Variants in COL25A1 observed in about 807,000 individuals in gnomAD.
The protein encoded by COL25A1 is collagen alpha-1(XXV) chain.
In COL25A1, 103 loss-of-function variants were observed where a neutral mutation model predicts 128.4. The observed-to-expected ratio is 0.80, with a 90% CI of 0.68 to 0.94. The LOEUF (loss-of-function observed/expected upper bound fraction) is 0.94, where lower values mean the gene tolerates loss of function less well. Ranked by LOEUF, COL25A1 falls within the 40% of genes least tolerant of loss-of-function variation. COL25A1 has a pLI of 0.00. For missense variants in COL25A1, 745 were observed against 840.0 expected, an observed-to-expected ratio of 0.89 and a Z score of 1.40; for synonymous variants, 279 against 277.2, an observed-to-expected ratio of 1.01 and a Z score of -0.06.
chr4:109,160,039 T>C (rs575579088), intron 3 of COL25A1, among the ~76,000 whole-genome samples: 1 of 152,312 alleles, frequency 6.6e-6, no homozygotes, highest in African/African-American at 2.4e-5. Flanking sequence ...TAACAAAAGT[T>C]TGTAATTGTG....
rs952141300 is a variant in COL25A1, at chr4:109,007,045, T to C, written c.438+3313A>G. The stretch of plus-strand genomic sequence containing the variant: ...GTAACAAACCTGCACATCCTGCATA[T>C]GTAACCCTGAACTTAAAATAAAAGT... On this transcript the variant is annotated intron_variant, in intron 6 of 37. Transcript: ENST00000399132. 2.0e-5 allele frequency among the ~76,000 whole-genome samples: 3 copies of C among 152,130 alleles called. No homozygotes were observed. The East Asian group carries it at 5.8e-4, about 29-fold the overall frequency.
chr4:109,265,687 G>A (rs1256670118), intron 3 of COL25A1, among the ~76,000 whole-genome samples: 1 of 151,980 alleles, frequency 6.6e-6, no homozygotes, highest in East Asian at 1.9e-4. Context: ...CATTGTTGCG[G>A]TCCTGTGCTG....
intron 18 of COL25A1, 136 bp downstream of exon 18, chr4:108,889,082 AAAC>A: frequency 1.2e-6 from 1 of 807,020 alleles, no homozygotes; most frequent in Non-Finnish European, 2.0e-6. Context: ...TTAAAATGCA[AAAC>A]AACAATAACA....
intron 3 of COL25A1, among the ~76,000 whole-genome samples, chr4:109,154,075 AT>A (rs1771800316): frequency 6.6e-6 from 1 of 152,254 alleles, no homozygotes. Context: ...CAAACTAGAA[AT>A]AATTCAGGGA....
At chr4:108,935,773 G>C (rs1291456940) in intron 11 of COL25A1, among the ~76,000 whole-genome samples, 2 of 152,178 alleles carry the variant, frequency 1.3e-5, no homozygotes, top group Non-Finnish European at 2.9e-5. Context: ...AAGCAAATGA[G>C]ATTATATTGT....
rs1206617068 is a variant in COL25A1, at chr4:109,010,277, C to A, written c.438+81G>T. On this transcript the variant is annotated intron_variant, in intron 6 of 37. Coordinates refer to ENST00000399132, the MANE Select transcript of COL25A1 (RefSeq NM_198721.4). The stretch of plus-strand genomic sequence containing the variant: ...TTATCAGTTCATAGCTTTTTTATAT[C>A]TTTTGAAAGAATTGCAGAAAGACCT... 1.9e-5 allele frequency: 21 copies of A among 1,115,334 alleles called. No individual in the cohort carries two copies. In the South Asian group the frequency reaches 2.4e-4, roughly 13 times the overall value. 69.1% of individuals were successfully genotyped at this position (1,115,334 alleles called of 1,614,324 possible). A position where few individuals can be genotyped will look rare whatever the true frequency, so the allele number is the denominator to read the frequency against.
chr4:109,148,801 G>C (rs112395227), intron 3 of COL25A1, among the ~76,000 whole-genome samples: 1 of 152,030 alleles, frequency 6.6e-6, no homozygotes, highest in Non-Finnish European at 1.5e-5. Context: ...CCCTCCTCCA[G>C]CCAGGTCTAA....
At chr4:108,902,839 T>C (rs188295810) in intron 13 of COL25A1, among the ~76,000 whole-genome samples, 2 of 151,932 alleles carry the variant, frequency 1.3e-5, no homozygotes, top group Admixed American at 6.6e-5. Flanking sequence ...CATTTGTACA[T>C]AACAAAGGAT....
intron 3 of COL25A1, among the ~76,000 whole-genome samples, chr4:109,239,418 ATATATTTATTTATT>A (rs1223839718): frequency 3.0e-5 from 4 of 132,750 alleles, no homozygotes; most frequent in African/African-American, 1.1e-4. Context: ...ATATATATAT[ATATATTTATTTATT>A]TATTTATTTA....
rs140214485 is a variant in COL25A1, at chr4:108,821,264, G to A, written c.1846-1935C>T. Among the ~76,000 whole-genome samples, 150 of 152,282 alleles carry A rather than the reference G, an allele frequency of 9.9e-4. 1 individual carries two copies. In the East Asian group the frequency reaches 0.021, roughly 21 times the overall value. On this transcript the variant is annotated intron_variant, in intron 35 of 37. Coordinates refer to ENST00000399132, the MANE Select transcript of COL25A1 (RefSeq NM_198721.4). ...AACACTTGGATTTCTTGAATATGGGGCAAAGAGACATTCTCTGTGGCTTAG... is the reference window on the plus strand; with the variant it reads ...AACACTTGGATTTCTTGAATATGGGACAAAGAGACATTCTCTGTGGCTTAG...
chr4:108,958,117 T>C (rs1199095373), intron 8 of COL25A1, among the ~76,000 whole-genome samples: 2 of 152,108 alleles, frequency 1.3e-5, no homozygotes, highest in South Asian at 4.1e-4. Flanking sequence ...AAATTAACTT[T>C]CAATTTATTT....
intron 35 of COL25A1, 106 bp downstream of exon 35, chr4:108,824,068 C>G: frequency 6.2e-7 from 1 of 1,613,198 alleles, no homozygotes; most frequent in African/African-American, 1.3e-5. Context: ...TTTTGGAGCA[C>G]AGGATGGAGA....
At chr4:108,871,460 C>T (rs1022994995) in intron 19 of COL25A1, among the ~76,000 whole-genome samples, 4 of 151,762 alleles carry the variant, frequency 2.6e-5, no homozygotes, top group East Asian at 1.9e-4. Context: ...GGACTACAGG[C>T]GCCCGCCACT....
chr4:109,092,813 G>A (rs1414974973), intron 3 of COL25A1, among the ~76,000 whole-genome samples: 1 of 152,174 alleles, frequency 6.6e-6, no homozygotes, highest in Non-Finnish European at 1.5e-5. Flanking sequence ...GTGAAAAAGA[G>A]CATGCAACTT....
chr4:108,888,183 G>A (rs934392927), intron 18 of COL25A1, among the ~76,000 whole-genome samples: 4 of 152,048 alleles, frequency 2.6e-5, no homozygotes, highest in African/African-American at 9.7e-5. Flanking sequence ...GAATGTGAAA[G>A]ACCTCCTCAA....
intron 11 of COL25A1, among the ~76,000 whole-genome samples, chr4:108,924,649 C>T (rs961942250): frequency 1.3e-5 from 2 of 152,146 alleles, no homozygotes; most frequent in South Asian, 2.1e-4. Context: ...CACCTAATGA[C>T]GACCCTACTT....
At chr4:108,934,260 C>T (rs1747131783) in intron 11 of COL25A1, among the ~76,000 whole-genome samples, 1 of 149,560 alleles carries the variant, frequency 6.7e-6, no homozygotes. Flanking sequence ...TGCATGTTCT[C>T]ACTCATAGGT....
At chr4:109,214,551 A>AT (rs1228220858) in intron 3 of COL25A1, among the ~76,000 whole-genome samples, 3 of 152,080 alleles carry the variant, frequency 2.0e-5, no homozygotes, top group Non-Finnish European at 2.9e-5. Flanking sequence ...TTAAATATAC[A>AT]TTTTTTTATT....
chr4:109,286,831 C>T (rs975122147), intron 3 of COL25A1, among the ~76,000 whole-genome samples: 8 of 152,184 alleles, frequency 5.3e-5, no homozygotes, highest in African/African-American at 1.7e-4. Flanking sequence ...CCAAGGGAGT[C>T]TAACCAAGAC....
Sources: gnomAD v4.1 joint callset for allele counts (sites outside exome capture counted in the v4.1 genomes callset) on GRCh38, gnomAD v4.1.1 for gene constraint, MANE v1.5 for transcripts, NCBI Gene and HGNC (gene_info 2026-07-23, HGNC 2026-07-21) for gene names.